Variants in NAALADL2 observed in about 807,000 individuals in gnomAD.
NAALADL2 encodes N-acetylated alpha-linked acidic dipeptidase like 2.
A neutral mutation model predicts 87.2 loss-of-function variants in NAALADL2; 76 were observed. That is an observed-to-expected ratio of 0.87 (90% CI 0.72 to 1.05). The LOEUF (loss-of-function observed/expected upper bound fraction) is 1.05. Ranked by LOEUF, NAALADL2 falls within the 50% of genes least tolerant of loss-of-function variation. The pLI is 0.00. For missense variants in NAALADL2, 1,089 were observed against 945.8 expected, an observed-to-expected ratio of 1.15 and a Z score of -1.99; for synonymous variants, 354 against 331.0, an observed-to-expected ratio of 1.07 and a Z score of -0.75.
intron 3 of NAALADL2, among the ~76,000 whole-genome samples, chr3:175,251,134 T>TA (rs1748993580): frequency 6.6e-6 from 1 of 152,224 alleles, no homozygotes; most frequent in South Asian, 2.1e-4. Flanking sequence ...AATGCCACTT[T>TA]AAAAAATTAA....
chr3:174,870,289 A>G (rs1380910638), intron 1 of NAALADL2, among the ~76,000 whole-genome samples: 1 of 152,076 alleles, frequency 6.6e-6, no homozygotes, highest in Non-Finnish European at 1.5e-5. Flanking sequence ...TTACCAACCC[A>G]TCCACCCTTT....
At chr3:174,996,662 T>G (rs1747505824) in intron 1 of NAALADL2, among the ~76,000 whole-genome samples, 1 of 152,156 alleles carries the variant, frequency 6.6e-6, no homozygotes, top group Admixed American at 6.5e-5. Context: ...TCAACAGTTT[T>G]GGGGGTTCAA....
chr3:175,598,714 A>G (rs759306119), intron 10 of NAALADL2, among the ~76,000 whole-genome samples: 30 of 152,224 alleles, frequency 2.0e-4, no homozygotes, highest in Non-Finnish European at 3.7e-4. Flanking sequence ...AATATATATG[A>G]TGTTCTCACA....
At chr3:174,628,577 A>G (rs1177781048) in intron 2 of NAALADL2, among the ~76,000 whole-genome samples, 4 of 151,844 alleles carry the variant, frequency 2.6e-5, no homozygotes, top group Non-Finnish European at 4.4e-5. Context: ...TCAAGTTCAC[A>G]TTGCTGGATT....
chr3:174,524,940 G>C (rs1720604572), intron 1 of NAALADL2, among the ~76,000 whole-genome samples: 1 of 152,128 alleles, frequency 6.6e-6, no homozygotes, highest in Non-Finnish European at 1.5e-5. Flanking sequence ...GTTTAGATAT[G>C]TTTAGATGTA....
At chr3:174,458,993 G>A in intron 1 of NAALADL2, among the ~76,000 whole-genome samples, 1 of 152,156 alleles carries the variant, frequency 6.6e-6, no homozygotes, top group Non-Finnish European at 1.5e-5. Flanking sequence ...GAGAGTAGGG[G>A]GAGGTGAGTT....
In NAALADL2 at chr3:175,803,860, G is replaced by A. The variant is rs1297924577; in HGVS notation, c.*657G>A. 6.9e-6 allele frequency: 1 copy of A among 145,806 alleles called. No homozygotes were observed. Among genetic ancestry groups the A allele is most frequent in the Non-Finnish European group, 1.6e-5 (1 of 63,342 alleles). 9.0% of individuals were successfully genotyped at this position (145,806 alleles called of 1,614,324 possible). On this transcript the variant is annotated 3_prime_UTR_variant, in exon 14 of 14. Coordinates refer to ENST00000454872, the MANE Select transcript of NAALADL2 (RefSeq NM_207015.3). ...GGGAGCTACATAGAGCAATTTAAAT[G>A]CAAATTTTTTTCCTAACAACTTACA...
chr3:175,191,208 TTA>T (rs1738145509), intron 2 of NAALADL2, among the ~76,000 whole-genome samples: 1 of 152,134 alleles, frequency 6.6e-6, no homozygotes, highest in African/African-American at 2.4e-5. Context: ...GTTTCACTCT[TTA>T]TATGTGTCCC....
upstream of NAALADL2, chr3:174,859,223 C>T: frequency 1.7e-6 from 1 of 582,408 alleles, no homozygotes; most frequent in Non-Finnish European, 3.1e-6. Flanking sequence ...GATATGATCT[C>T]ACTTCATAGT....
intron 5 of NAALADL2, among the ~76,000 whole-genome samples, chr3:175,361,814 G>A (rs1412576477): frequency 6.7e-6 from 1 of 148,152 alleles, no homozygotes; most frequent in Non-Finnish European, 1.5e-5. Flanking sequence ...CCATTCTGTA[G>A]GTTGCCTGCT....
intron 6 of NAALADL2, among the ~76,000 whole-genome samples, chr3:175,448,661 G>A (rs1721067105): frequency 6.6e-6 from 1 of 152,042 alleles, no homozygotes; most frequent in East Asian, 1.9e-4. Context: ...GAGAATCAAA[G>A]TATGATATGT....
intron 3 of NAALADL2, among the ~76,000 whole-genome samples, chr3:174,798,344 T>A (rs1718392170): frequency 6.6e-6 from 1 of 152,194 alleles, no homozygotes; most frequent in Non-Finnish European, 1.5e-5. Flanking sequence ...ATTTATGGGG[T>A]TTGAAATTTG....
At chr3:175,101,767 G>A (rs1478671597) in intron 2 of NAALADL2, among the ~76,000 whole-genome samples, 1 of 152,182 alleles carries the variant, frequency 6.6e-6, no homozygotes, top group East Asian at 1.9e-4. Context: ...AGGCAGGAAT[G>A]TGTTTGCCTT....
intron 13 of NAALADL2, among the ~76,000 whole-genome samples, chr3:175,765,285 A>T (rs116440879): frequency 1.7e-4 from 26 of 152,130 alleles, no homozygotes; most frequent in African/African-American, 5.3e-4. Context: ...GAATAAATAC[A>T]TACACTAGTT....
At chr3:175,469,803 G>A (rs1034064422) in intron 8 of NAALADL2, among the ~76,000 whole-genome samples, 11 of 151,938 alleles carry the variant, frequency 7.2e-5, no homozygotes, top group African/African-American at 2.7e-4. Flanking sequence ...TCTTATGAGG[G>A]TCTCATGAGA....
chr3:175,312,024 C>CT (rs1213597477), intron 4 of NAALADL2, among the ~76,000 whole-genome samples: 13 of 151,904 alleles, frequency 8.6e-5, no homozygotes, highest in African/African-American at 3.1e-4. Context: ...TCATAATAGT[C>CT]TTTTTTTAAA....
intron 2 of NAALADL2, among the ~76,000 whole-genome samples, chr3:174,677,984 G>T (rs1280730084): frequency 6.6e-6 from 1 of 152,074 alleles, no homozygotes; most frequent in Middle Eastern, 3.2e-3. Flanking sequence ...GCATCTCTTT[G>T]TTCAGCCTCA....
At chr3:175,605,195 T>C (rs373179086) in intron 10 of NAALADL2, among the ~76,000 whole-genome samples, 2 of 152,296 alleles carry the variant, frequency 1.3e-5, no homozygotes, top group South Asian at 2.1e-4. Context: ...CATTTGTTCC[T>C]CCCTCAATAA....
At chr3:175,394,274 A>C (rs965236464) in intron 5 of NAALADL2, among the ~76,000 whole-genome samples, 2 of 152,156 alleles carry the variant, frequency 1.3e-5, no homozygotes, top group African/African-American at 4.8e-5. Flanking sequence ...ATACAGTTAG[A>C]TAGAAGGAGT....
Sources: gnomAD v4.1 joint callset for allele counts (sites outside exome capture counted in the v4.1 genomes callset) on GRCh38, gnomAD v4.1.1 for gene constraint, MANE v1.5 for transcripts, NCBI Gene and HGNC (gene_info 2026-07-23, HGNC 2026-07-21) for gene names.